ELOVL6: variants seen among roughly 807,000 people sequenced by gnomAD.
ELOVL6 encodes the protein ELOVL fatty acid elongase 6.
In ELOVL6, 8 loss-of-function variants were observed where a neutral mutation model predicts 31.7. The ratio of observed to expected loss-of-function variants is 0.25; its 90% CI spans 0.15 to 0.45. The LOEUF (loss-of-function observed/expected upper bound fraction) is 0.45. Ranked by LOEUF, ELOVL6 falls within the 20% of genes least tolerant of loss-of-function variation. The pLI is 1.00. For missense variants in ELOVL6, 126 were observed against 326.4 expected, an observed-to-expected ratio of 0.39 and a Z score of 4.73; for synonymous variants, 101 against 117.7, an observed-to-expected ratio of 0.86 and a Z score of 0.92.
intron 2 of ELOVL6, among the ~76,000 whole-genome samples, chr4:110,094,802 A>T (rs1756532327): frequency 6.6e-6 from 1 of 152,092 alleles, no homozygotes; most frequent in African/African-American, 2.4e-5. Context: ...GGACTAGGGC[A>T]TGTCTAGGGC....
chr4:110,084,024 TGCC>T (rs1560813566), intron 2 of ELOVL6, among the ~76,000 whole-genome samples: 1,599 of 60,932 alleles, frequency 0.026, 124 homozygotes, highest in Non-Finnish European at 0.036. Flanking sequence ...ATATAACATA[TGCC>T]ATATATGGTA....
chr4:110,090,605 T>TTGTTTTTTTTTTTTTTTG (rs1462141213), intron 2 of ELOVL6, among the ~76,000 whole-genome samples: 25 of 139,488 alleles, frequency 1.8e-4, no homozygotes, highest in Non-Finnish European at 3.4e-4. Context: ...ACTTTCTTTT[T>TTGTTTTTTTTTTTTTTTG]TTTTTTTTTT....
intron 1 of ELOVL6, among the ~76,000 whole-genome samples, chr4:110,133,516 A>G (rs1330356567): frequency 6.6e-6 from 1 of 152,160 alleles, no homozygotes; most frequent in Non-Finnish European, 1.5e-5. Flanking sequence ...AGGTAAGGTG[A>G]CAGGCTTTGG....
chr4:110,124,449 A>C (rs1366439650), intron 1 of ELOVL6, among the ~76,000 whole-genome samples: 1 of 152,132 alleles, frequency 6.6e-6, no homozygotes, highest in East Asian at 1.9e-4. Context: ...GCAAACTAAC[A>C]CAGGAACAGA....
chr4:110,138,267 T>C (rs1427055031), intron 1 of ELOVL6, among the ~76,000 whole-genome samples: 3 of 152,238 alleles, frequency 2.0e-5, no homozygotes, highest in Non-Finnish European at 2.9e-5. Flanking sequence ...TAGTAATATA[T>C]GTCTGTGGAT....
chr4:110,115,485 T>C (rs1371056074), intron 1 of ELOVL6, among the ~76,000 whole-genome samples: 3 of 152,210 alleles, frequency 2.0e-5, no homozygotes. Flanking sequence ...GGCTCATGCC[T>C]GTAATCCCAG....
Position 110,066,542 on chromosome 4 carries a change from G to A in ELOVL6, c.222-6788C>T, listed in dbSNP as rs1426741273. Among the ~76,000 whole-genome samples, 3 of 146,892 alleles carry A rather than the reference G, an allele frequency of 2.0e-5. No individual in the cohort carries two copies. The Admixed American group carries it at 2.1e-4, about 10-fold the overall frequency. ...TGGTCCCAGCTACTCGGGAGGCTGA[G>A]ACAGGAGAATCACGTGAACGCAGGA... is the stretch of plus-strand genomic sequence containing the variant. On this transcript the variant is annotated intron_variant, in intron 2 of 3. Coordinates refer to ENST00000302274, the MANE Select transcript of ELOVL6 (RefSeq NM_024090.3).
intron 2 of ELOVL6, among the ~76,000 whole-genome samples, chr4:110,090,595 A>AATTTATT (rs1756390679): frequency 1.2e-5 from 1 of 84,084 alleles, no homozygotes. Context: ...GGAAAGTTTG[A>AATTTATT]CTTTCTTTTT....
intron 3 of ELOVL6, among the ~76,000 whole-genome samples, chr4:110,057,607 T>C (rs1401963089): frequency 6.6e-6 from 1 of 151,998 alleles, no homozygotes; most frequent in Non-Finnish European, 1.5e-5. Flanking sequence ...TACTAGCACT[T>C]TGGGAGGCCG....
chr4:110,188,034 T>C (rs1482473136), intron 1 of ELOVL6, among the ~76,000 whole-genome samples: 3 of 152,252 alleles, frequency 2.0e-5, no homozygotes, highest in Admixed American at 2.0e-4. Context: ...TTGTAGGAGC[T>C]GACCTTCAAG....
chr4:110,153,923 T>C (rs980272002), intron 1 of ELOVL6, among the ~76,000 whole-genome samples: 2 of 152,208 alleles, frequency 1.3e-5, no homozygotes, highest in African/African-American at 4.8e-5. Context: ...CAGCATTCTT[T>C]ACTTCATTTG....
At chr4:110,196,545 G>A (rs1759794727) in intron 1 of ELOVL6, among the ~76,000 whole-genome samples, 1 of 152,220 alleles carries the variant, frequency 6.6e-6, no homozygotes, top group Non-Finnish European at 1.5e-5. Flanking sequence ...TCTATCTGCG[G>A]TCTCGACCCT....
intron 2 of ELOVL6, among the ~76,000 whole-genome samples, chr4:110,102,413 G>A (rs1756773558): frequency 6.6e-6 from 1 of 152,256 alleles, no homozygotes; most frequent in South Asian, 2.1e-4. Flanking sequence ...CGAGAGGAAG[G>A]AGAAATAAAA....
At chr4:110,084,563 G>GTTT (rs1756172285) in intron 2 of ELOVL6, among the ~76,000 whole-genome samples, 4 of 44,550 alleles carry the variant, frequency 9.0e-5, no homozygotes, top group South Asian at 9.1e-4. Flanking sequence ...CACACACACA[G>GTTT]ATATATATAT....
intron 2 of ELOVL6, among the ~76,000 whole-genome samples, chr4:110,102,519 C>T (rs1436208678): frequency 6.6e-6 from 1 of 151,914 alleles, no homozygotes; most frequent in African/African-American, 2.4e-5. Flanking sequence ...ACTAGCTGGC[C>T]GTGGTGGTAC....
rs55704816 is a variant in ELOVL6, at chr4:110,083,790, T to C, written c.221+21707A>G. Among the ~76,000 whole-genome samples the C allele has an allele frequency of 8.4e-3, 1,262 of 150,288 alleles. 49 individuals carry two copies. Among genetic ancestry groups the C allele is most frequent in the African/African-American group, 0.028 (1,153 of 40,502 alleles). Reference sequence around the variant, plus strand: ...GATGATGGTGGTGGTTAGTATGTGGTAACAATGGGCATAAGAGAAGCAGAC... The same window carrying C: ...GATGATGGTGGTGGTTAGTATGTGGCAACAATGGGCATAAGAGAAGCAGAC... On this transcript the variant is annotated intron_variant, in intron 2 of 3. Transcript: ENST00000302274.
At chr4:110,063,141 T>TAATTCAAAG (rs1156731545) in intron 2 of ELOVL6, among the ~76,000 whole-genome samples, 2 of 152,258 alleles carry the variant, frequency 1.3e-5, no homozygotes, top group African/African-American at 4.8e-5. Flanking sequence ...TAATTAACCC[T>TAATTCAAAG]AATTCAAAGT....
chr4:110,085,577 T>C (rs1259591391), intron 2 of ELOVL6, among the ~76,000 whole-genome samples: 1 of 152,174 alleles, frequency 6.6e-6, no homozygotes, highest in African/African-American at 2.4e-5. Context: ...ATGGGGACAG[T>C]TACTGTAAGA....
rs1294868824 is a variant in ELOVL6 at position 110,051,573 on chromosome 4, A to G, written c.563T>C (p.Phe188Ser). The G allele has an allele frequency of 6.2e-7, 1 of 1,614,090 alleles. No homozygotes were observed. Among genetic ancestry groups the G allele is most frequent in the African/African-American group, 1.3e-5 (1 of 74,952 alleles). ...YSYYALRAAG[F>S]RVSRKFAMFI... The stretch of plus-strand genomic sequence containing the variant: ...CATGGCAAACTTCCGGGAGACTCGG[A>G]AACCTGCCGCCCGCAAGGCATAGTA... The change falls in exon 4 of 4, where the codon TTC becomes TCC. Residue 188 changes from phenylalanine to serine, a missense_variant. This residue lies in a region of ELOVL6 where 57 missense variants were observed against 110.2 expected (regional missense o/e 0.52). Coordinates refer to ENST00000302274, the MANE Select transcript of ELOVL6 (RefSeq NM_024090.3). The surrounding 1 kb of genome is among the most constrained non-coding windows in gnomAD (Gnocchi z 4.8).
Sources: gnomAD v4.1 joint callset for allele counts (sites outside exome capture counted in the v4.1 genomes callset) on GRCh38, gnomAD v4.1.1 for gene constraint, gnomAD v4.1.1 regional missense constraint, Gnocchi (gnomAD v3.1) non-coding constraint, MANE v1.5 for transcripts, NCBI Gene and HGNC (gene_info 2026-07-23, HGNC 2026-07-21) for gene names.